The following TATDN3 variants were observed in gnomAD, a reference collection of about 807,000 sequenced individuals.
TATDN3 encodes the protein TatD DNase domain containing 3.
In TATDN3, 29 loss-of-function variants were observed where a neutral mutation model predicts 40.1. The observed-to-expected ratio is 0.72, with a 90% confidence interval of 0.54 to 0.99. The LOEUF (loss-of-function observed/expected upper bound fraction) is 0.99. TATDN3 is among the 50% of genes least tolerant of loss of function. TATDN3 has a pLI of 0.00. For missense variants in TATDN3, 309 were observed against 321.9 expected (o/e 0.96, Z 0.31); for synonymous variants, 105 against 117.0 (o/e 0.90, Z 0.66).
At chr1:212,795,366 G>T (rs576299406) in intron 2 of TATDN3, among the ~76,000 whole-genome samples, 7 of 151,664 alleles carry the variant, frequency 4.6e-5, no homozygotes, top group Admixed American at 4.6e-4. Flanking sequence ...TGCCTCCAAG[G>T]TTCAAGTGAT....
At chr1:212,797,967 C>T (rs1266576424) in intron 4 of TATDN3, among the ~76,000 whole-genome samples, 2 of 151,998 alleles carry the variant, frequency 1.3e-5, no homozygotes, top group Non-Finnish European at 2.9e-5. Context: ...GTTTGATAGC[C>T]CCATTTCAAA....
chr1:212,794,757 G>T (rs746916026), intron 1 of TATDN3: 2 of 489,032 alleles, frequency 4.1e-6, no homozygotes, highest in Non-Finnish European at 8.0e-6. Context: ...TGAGAGAGTG[G>T]TATTGCAGAA....
chr1:212,808,016 T>C (rs1306706177), intron 8 of TATDN3, among the ~76,000 whole-genome samples, 168 bp downstream of exon 8: 2 of 151,978 alleles, frequency 1.3e-5, no homozygotes, highest in African/African-American at 4.8e-5. Context: ...AAGACTTAAA[T>C]ATAAAACCAA....
intron 7 of TATDN3, 143 bp downstream of exon 7, chr1:212,804,794 T>G: frequency 1.5e-6 from 1 of 677,932 alleles, no homozygotes; most frequent in Middle Eastern, 2.5e-4. Flanking sequence ...AAGATGATGT[T>G]GCAGGTCAGG....
At chr1:212,804,698 A>G (rs1207097525) in intron 7 of TATDN3, 47 bp downstream of exon 7, 1 of 1,521,904 alleles carries the variant, frequency 6.6e-7, no homozygotes, top group Non-Finnish European at 9.0e-7. Context: ...AAGTTTGACA[A>G]TTCCAGTTTA....
At chr1:212,806,978 C>G (rs1256647531) in intron 7 of TATDN3, among the ~76,000 whole-genome samples, 2 of 149,070 alleles carry the variant, frequency 1.3e-5, no homozygotes, top group Non-Finnish European at 3.0e-5. Context: ...GAGTCTCACT[C>G]TGTCGCCCAG....
At chr1:212,796,834 T>C in intron 3 of TATDN3, 1 of 473,242 alleles carries the variant, frequency 2.1e-6, no homozygotes. Flanking sequence ...GCCTCCTGGT[T>C]TCAAGCAATT....
chr1:212,814,512 T>C (rs766545418), intron 9 of TATDN3, among the ~76,000 whole-genome samples: 1 of 152,206 alleles, frequency 6.6e-6, no homozygotes. Context: ...AAATGAAATA[T>C]ACTGTATCAA....
Position 212,812,335 on chromosome 1 carries a change from G to A in TATDN3, c.681+7G>A. On this transcript the variant is annotated splice_region_variant and intron_variant, in intron 9 of 9. Transcript: ENST00000366974. ...ACTAGGACCAGAAAAACAGGTAAAT[G>A]GTTTTCTAATTTCTATATTATTTAG... 1.4e-6 allele frequency: 2 copies of A among 1,381,798 alleles called. No homozygotes were observed. The highest frequency in any genetic ancestry group is 2.0e-6 in the Non-Finnish European group (2 of 1,000,920). The allele number at this position is 1,381,798 out of a possible 1,614,324, so 85.6% of individuals were successfully genotyped here.
At position 212,807,739 on chromosome 1, in the gene TATDN3, C is replaced by A; in HGVS notation, c.491C>A (p.Ala164Asp). Residue 164 changes from alanine (A) to aspartate (D), a missense_variant, in exon 8 of 10, where the codon GCT becomes GAT. By Grantham distance (126) the Ala-to-Asp change is moderately radical. Coordinates refer to ENST00000366974, the MANE Select transcript of TATDN3 (RefSeq NM_001042552.3). ...CCTTATCTTTCATTTTTGAAAGGTG[C>A]TGAGAAGGTACTGCTGCATGCATTT... The part of the protein sequence containing the change: ...PTINLLQEQG[A>D]EKVLLHAFDG... 6.2e-7 allele frequency: 1 copy of A among 1,608,358 alleles called. No homozygotes were observed. Among genetic ancestry groups the A allele is most frequent in the Non-Finnish European group, 8.5e-7 (1 of 1,178,036 alleles).
chr1:212,815,040 A>G lies in TATDN3; in HGVS notation c.709A>G (p.Ile237Val). ...QVRNEPWNIS[I>V]SAEYIAQVKG... Reference sequence around the variant, plus strand: ...ACGGAATGAGCCCTGGAACATTTCTATTTCAGCAGAATATATTGCCCAGGT... The same window carrying G: ...ACGGAATGAGCCCTGGAACATTTCTGTTTCAGCAGAATATATTGCCCAGGT... Residue 237 changes from isoleucine (I) to valine (V), a missense_variant, in exon 10 of 10, where the codon ATT becomes GTT. By Grantham distance (29) the Ile-to-Val change is conservative. Coordinates refer to ENST00000366974, the MANE Select transcript of TATDN3 (RefSeq NM_001042552.3). The G allele has an allele frequency of 6.2e-7, 1 of 1,613,726 alleles. No individual in the cohort carries two copies. The highest frequency in any genetic ancestry group is 8.5e-7 in the Non-Finnish European group (1 of 1,179,934).
chr1:212,796,978 C>T, intron 3 of TATDN3, 134 bp from the exon 4 acceptor site: 1 of 639,208 alleles, frequency 1.6e-6, no homozygotes. Context: ...TTAAGTGATC[C>T]ACCTGGTTCA....
At position 212,815,025 on chromosome 1, in the gene TATDN3, C is replaced by G. The variant is rs1288684883; in HGVS notation, c.694C>G (p.Pro232Ala). The G allele has an allele frequency of 6.2e-6, 10 of 1,613,154 alleles. No individual in the cohort carries two copies. The highest frequency in any genetic ancestry group is 1.6e-4 in the Middle Eastern group (1 of 6,080). The change falls in exon 10 of 10, where the codon CCC becomes GCC. Residue 232 changes from proline (P) to alanine (A), a missense_variant. Pro to Ala is a conservative substitution (Grantham distance 27, BLOSUM62 -1). Transcript: ENST00000366974. ...TGTCTTGTTTCAGGTACGGAATGAGCCCTGGAACATTTCTATTTCAGCAGA... is the reference window on the plus strand; with the variant it reads ...TGTCTTGTTTCAGGTACGGAATGAGGCCTGGAACATTTCTATTTCAGCAGA... The part of the protein sequence containing the change: ...LGPEKQVRNE[P>A]WNISISAEYI...
intron 1 of TATDN3, 94 bp downstream of exon 1, chr1:212,792,081 C>T (rs2102417949): frequency 4.8e-6 from 6 of 1,260,824 alleles, no homozygotes; most frequent in Non-Finnish European, 6.8e-6. Flanking sequence ...GACGAAACCC[C>T]ATATCCCCCG....
intron 4 of TATDN3, among the ~76,000 whole-genome samples, chr1:212,798,522 A>C (rs1328678077): frequency 4.5e-5 from 6 of 132,106 alleles, no homozygotes; most frequent in African/African-American, 8.8e-5. Context: ...CATGGACGCT[A>C]TCTCTCAAAA....
intron 1 of TATDN3, among the ~76,000 whole-genome samples, chr1:212,792,245 C>T (rs1301204001): frequency 6.6e-6 from 1 of 152,174 alleles, no homozygotes; most frequent in African/African-American, 2.4e-5. Context: ...GAATCGTTCC[C>T]TCACTCCCCT....
At chr1:212,807,928 C>T in intron 8 of TATDN3, 80 bp downstream of exon 8, 1 of 889,628 alleles carries the variant, frequency 1.1e-6, no homozygotes, top group Non-Finnish European at 1.8e-6. Context: ...ACTTGTGATA[C>T]TATTCTAGTT....
rs563981374 is a variant in TATDN3 at position 212,815,370 on chromosome 1, C to T, written c.*214C>T. On this transcript the variant is annotated 3_prime_UTR_variant, in exon 10 of 10. Coordinates refer to ENST00000366974, the MANE Select transcript of TATDN3 (RefSeq NM_001042552.3). ...AGCCTTGTGCTGCTTTTCAATTAGC[C>T]GAGTTCTGGCAGGATATTGGGAAAA... 14 of 491,052 alleles carry T rather than the reference C, an allele frequency of 2.9e-5. No individual in the cohort carries two copies. In the Admixed American group the frequency reaches 4.0e-4, roughly 14 times the overall value. 30.4% of individuals were successfully genotyped at this position (491,052 alleles called of 1,614,324 possible).
At chr1:212,801,239 A>G (rs920954336) in intron 4 of TATDN3, among the ~76,000 whole-genome samples, 4 of 150,478 alleles carry the variant, frequency 2.7e-5, no homozygotes, top group African/African-American at 9.7e-5. Flanking sequence ...ATTAGCTGTT[A>G]AGGAACTTGA....
Sources: gnomAD v4.1 joint callset for allele counts (sites outside exome capture counted in the v4.1 genomes callset) on GRCh38, gnomAD v4.1.1 for gene constraint, MANE v1.5 for transcripts, NCBI Gene and HGNC (gene_info 2026-07-23, HGNC 2026-07-21) for gene names.